The following FGF12 variants were observed in gnomAD, a reference collection of about 807,000 sequenced individuals.
FGF12 encodes fibroblast growth factor 12, also known as fibroblast growth factor 12B.
FGF12 carries 14 observed loss-of-function variants against 23.6 expected under a neutral mutation model. That is an observed-to-expected ratio of 0.59 (90% confidence interval 0.39 to 0.93). FGF12 has a LOEUF of 0.93. Ranked by LOEUF, FGF12 falls within the 40% of genes least tolerant of loss-of-function variation. The probability of loss-of-function intolerance (pLI) is 0.00; values close to 1 mark genes in which losing one functional copy is unlikely to be tolerated. For missense variants in FGF12, 175 were observed against 217.8 expected (o/e 0.80, Z 1.24); for synonymous variants, 62 against 77.3 (o/e 0.80, Z 1.04).
intron 2 of FGF12, among the ~76,000 whole-genome samples, chr3:192,726,457 A>G (rs1395031753): frequency 6.6e-6 from 1 of 152,182 alleles, no homozygotes; most frequent in Non-Finnish European, 1.5e-5. Flanking sequence ...CGTTGTGTTT[A>G]TGTGTGTTCA....
At chr3:192,183,380 A>G (rs767351126) in intron 4 of FGF12, among the ~76,000 whole-genome samples, 3 of 152,158 alleles carry the variant, frequency 2.0e-5, no homozygotes, top group Non-Finnish European at 4.4e-5. Flanking sequence ...CTAAAGAGTA[A>G]TCTGCTAGAT....
chr3:192,474,683 C>A (rs1723267333), intron 2 of FGF12, among the ~76,000 whole-genome samples: 1 of 151,932 alleles, frequency 6.6e-6, no homozygotes, highest in Non-Finnish European at 1.5e-5. Flanking sequence ...GTCAGGAGTT[C>A]GAGACCAGCC....
chr3:192,167,608 CA>C (rs1577195376), intron 5 of FGF12, among the ~76,000 whole-genome samples: 1 of 150,762 alleles, frequency 6.6e-6, no homozygotes, highest in East Asian at 1.9e-4. Context: ...TGTGTGAAGA[CA>C]ACCTTAATTC....
chr3:192,504,774 CTG>C (rs1724245099), intron 2 of FGF12, among the ~76,000 whole-genome samples: 1 of 152,146 alleles, frequency 6.6e-6, no homozygotes, highest in East Asian at 1.9e-4. Context: ...TGAGTCCTCT[CTG>C]TAGACCCAGA....
intron 4 of FGF12, among the ~76,000 whole-genome samples, chr3:192,275,709 A>G (rs908864889): frequency 2.0e-5 from 3 of 152,220 alleles, no homozygotes; most frequent in Admixed American, 6.5e-5. Context: ...TAAGTAAAGT[A>G]TAAGTAAGAT....
At chr3:192,699,432 A>G (rs1718225529) in intron 2 of FGF12, among the ~76,000 whole-genome samples, 1 of 152,210 alleles carries the variant, frequency 6.6e-6, no homozygotes, top group Non-Finnish European at 1.5e-5. Context: ...GAAAAATTCC[A>G]AGTAATAACT....
At chr3:192,264,601 C>T (rs180755728) in intron 4 of FGF12, among the ~76,000 whole-genome samples, 16 of 152,098 alleles carry the variant, frequency 1.1e-4, no homozygotes, top group Non-Finnish European at 1.9e-4. Context: ...TATTATTACC[C>T]CCACTTTCCA....
chr3:192,366,094 T>C (rs1168583427), intron 2 of FGF12, among the ~76,000 whole-genome samples: 1 of 151,862 alleles, frequency 6.6e-6, no homozygotes, highest in Admixed American at 6.6e-5. Context: ...TCAGCTCCTA[T>C]ATACTGAATG....
chr3:192,198,039 T>A (rs975773070), intron 4 of FGF12, among the ~76,000 whole-genome samples: 4 of 146,466 alleles, frequency 2.7e-5, no homozygotes, highest in African/African-American at 1.0e-4. Flanking sequence ...TCTCTCACAA[T>A]ATCAGCAAAT....
chr3:192,187,480 G>A (rs915868679), intron 4 of FGF12, among the ~76,000 whole-genome samples: 2 of 152,114 alleles, frequency 1.3e-5, no homozygotes, highest in Non-Finnish European at 2.9e-5. Flanking sequence ...TTAATTACAC[G>A]ATAGACACTA....
intron 2 of FGF12, among the ~76,000 whole-genome samples, chr3:192,500,121 T>G (rs1003780525): frequency 6.6e-6 from 1 of 152,166 alleles, no homozygotes; most frequent in African/African-American, 2.4e-5. Context: ...CAGCTGGCTA[T>G]TTTTGGACAT....
chr3:192,373,656 T>C (rs1719344551), intron 2 of FGF12, among the ~76,000 whole-genome samples: 1 of 152,132 alleles, frequency 6.6e-6, no homozygotes, highest in African/African-American at 2.4e-5. Flanking sequence ...TAAACATGGG[T>C]TGGGTGCTAT....
Position 192,389,237 on chromosome 3 carries a change from A to T in FGF12, c.14-28699T>A, listed in dbSNP as rs112283079. ...TAGCCAGGCATGGTGGCACATGCCT[A>T]TAGTCCCAGCTACTCAGGAGTCTGA... On this transcript the variant is annotated intron_variant, in intron 2 of 5. Coordinates refer to ENST00000445105, the MANE Select transcript of FGF12 (RefSeq NM_004113.6). 7.6e-3 allele frequency among the ~76,000 whole-genome samples: 1,160 copies of T among 152,176 alleles called. 9 individuals carry two copies. The highest frequency in any genetic ancestry group is 0.026 in the African/African-American group (1,098 of 41,516).
chr3:192,229,628 TAAG>T (rs1718916298), intron 4 of FGF12, among the ~76,000 whole-genome samples: 1 of 152,076 alleles, frequency 6.6e-6, no homozygotes, highest in Admixed American at 6.6e-5. Context: ...TCCTGGAGAC[TAAG>T]AAGATCCATG....
chr3:192,625,646 TC>T (rs529700637), intron 2 of FGF12, among the ~76,000 whole-genome samples: 1 of 152,150 alleles, frequency 6.6e-6, no homozygotes, highest in East Asian at 1.9e-4. Context: ...AAAGGAAAAA[TC>T]TCTATTTTCA....
chr3:192,522,178 A>AC (rs1457301714), intron 2 of FGF12, among the ~76,000 whole-genome samples: 19 of 147,714 alleles, frequency 1.3e-4, no homozygotes, highest in African/African-American at 4.8e-4. Flanking sequence ...AGCCTGGGCG[A>AC]CAGAGCGAGA....
intron 2 of FGF12, among the ~76,000 whole-genome samples, chr3:192,376,348 AT>A (rs1467285769): frequency 6.6e-6 from 1 of 150,872 alleles, no homozygotes; most frequent in East Asian, 1.9e-4. Flanking sequence ...AATTTTATTT[AT>A]TTATTTATTT....
intron 4 of FGF12, among the ~76,000 whole-genome samples, chr3:192,242,753 C>G (rs1462251718): frequency 1.3e-5 from 2 of 151,876 alleles, no homozygotes; most frequent in Non-Finnish European, 2.9e-5. Flanking sequence ...GCTATTTGAC[C>G]CTTCCAGATA....
chr3:192,284,065 CA>C (rs1714305198), intron 4 of FGF12, among the ~76,000 whole-genome samples: 2 of 152,188 alleles, frequency 1.3e-5, no homozygotes, highest in South Asian at 4.1e-4. Flanking sequence ...TGTCTTAGAG[CA>C]ACACTGAATT....
Sources: gnomAD v4.1 joint callset for allele counts (sites outside exome capture counted in the v4.1 genomes callset) on GRCh38, gnomAD v4.1.1 for gene constraint, MANE v1.5 for transcripts, NCBI Gene and HGNC (gene_info 2026-07-23, HGNC 2026-07-21) for gene names.